The following IFNGR2 variants were observed in gnomAD, a reference collection of about 807,000 sequenced individuals.
IFNGR2 encodes the protein interferon gamma receptor 2.
IFNGR2 carries 15 observed loss-of-function variants against 41.1 expected under a neutral mutation model. The ratio of observed to expected loss-of-function variants is 0.37; its 90% CI spans 0.24 to 0.56. The LOEUF is 0.56. IFNGR2 is among the 20% of genes least tolerant of loss of function. IFNGR2 has a pLI of 0.81. For synonymous variants in IFNGR2, 161 were observed against 171.6 expected, an observed-to-expected ratio of 0.94 and a Z score of 0.48; for missense variants, 362 against 415.7, an observed-to-expected ratio of 0.87 and a Z score of 1.12.
chr21:33,435,591 T>G (rs1472998397), intron 6 of IFNGR2, among the ~76,000 whole-genome samples: 1 of 152,054 alleles, frequency 6.6e-6, no homozygotes, highest in Non-Finnish European at 1.5e-5. Context: ...TATTCAACTA[T>G]TAGAAGTTGT....
chr21:33,406,094 T>A (rs1434925591), intron 1 of IFNGR2, among the ~76,000 whole-genome samples: 3 of 151,280 alleles, frequency 2.0e-5, no homozygotes, highest in Non-Finnish European at 4.4e-5. Flanking sequence ...TAGTAGCAGC[T>A]GGGCACGGTG....
intron 2 of IFNGR2, among the ~76,000 whole-genome samples, chr21:33,420,130 C>T (rs2083781758): frequency 6.6e-6 from 1 of 152,122 alleles, no homozygotes; most frequent in Non-Finnish European, 1.5e-5. Context: ...CTTGAAGTGG[C>T]TTTCATCTTG....
intron 1 of IFNGR2, among the ~76,000 whole-genome samples, chr21:33,408,371 T>C (rs957479313): frequency 1.3e-5 from 2 of 152,056 alleles, no homozygotes; most frequent in African/African-American, 4.8e-5. Context: ...AATTTTTGTA[T>C]TTTTAGTAGA....
chr21:33,430,428 CTTTTA>C (rs2083875997), intron 4 of IFNGR2, among the ~76,000 whole-genome samples: 1 of 152,144 alleles, frequency 6.6e-6, no homozygotes, highest in Non-Finnish European at 1.5e-5. Context: ...CATACAATTA[CTTTTA>C]TATTTTTATT....
intron 6 of IFNGR2, among the ~76,000 whole-genome samples, chr21:33,434,716 C>A (rs1258765572): frequency 6.6e-6 from 1 of 152,050 alleles, no homozygotes; most frequent in South Asian, 2.1e-4. Context: ...CCTTCATCTG[C>A]CATGATGTAT....
intron 1 of IFNGR2, 38 bp from the exon 2 acceptor site, chr21:33,414,850 T>A: frequency 6.3e-7 from 1 of 1,586,172 alleles, no homozygotes; most frequent in Non-Finnish European, 8.6e-7. Context: ...CTCTCTCTCC[T>A]CCCTTCCTCC....
intron 1 of IFNGR2, chr21:33,410,943 C>A: frequency 8.4e-7 from 1 of 1,185,248 alleles, no homozygotes; most frequent in Non-Finnish European, 1.2e-6. Context: ...CATCTCACAA[C>A]CACTGCTCCT....
intron 4 of IFNGR2, among the ~76,000 whole-genome samples, chr21:33,431,296 G>A (rs565990589): frequency 7.4e-4 from 112 of 152,088 alleles, no homozygotes; most frequent in African/African-American, 2.4e-3. Flanking sequence ...TTGGCCAGGC[G>A]CGGTGGCTCA....
At chr21:33,421,425 CTA>C (rs1316099423) in intron 2 of IFNGR2, 53 bp from the exon 3 acceptor site, 1 of 1,378,736 alleles carries the variant, frequency 7.3e-7, no homozygotes, top group East Asian at 2.4e-5. Flanking sequence ...TCTGGGGAAA[CTA>C]TTACACATGA....
intron 3 of IFNGR2, among the ~76,000 whole-genome samples, chr21:33,421,993 A>G (rs1235068423): frequency 6.6e-6 from 1 of 152,216 alleles, no homozygotes; most frequent in Non-Finnish European, 1.5e-5. Flanking sequence ...TCACACTACA[A>G]TGGTAGAGTA....
At chr21:33,413,197 C>T (rs887315481) in intron 1 of IFNGR2, among the ~76,000 whole-genome samples, 4 of 152,212 alleles carry the variant, frequency 2.6e-5, no homozygotes, top group African/African-American at 9.6e-5. Flanking sequence ...CAGTCCCCAA[C>T]TGGCTTTGGG....
intron 6 of IFNGR2, 44 bp from the exon 7 acceptor site, chr21:33,436,784 G>C: frequency 1.3e-6 from 2 of 1,568,678 alleles, no homozygotes; most frequent in South Asian, 2.2e-5. Flanking sequence ...CTGGTATACT[G>C]AACTGGTAAA....
intron 2 of IFNGR2, among the ~76,000 whole-genome samples, chr21:33,418,084 G>A (rs1026728877): frequency 3.9e-5 from 6 of 152,000 alleles, no homozygotes; most frequent in Admixed American, 6.6e-5. Flanking sequence ...GTGCAGTGGC[G>A]TGATCTCAGC....
Position 33,411,896 on chromosome 21 carries a change from G to A in IFNGR2, c.74-2992G>A, listed in dbSNP as rs531845809. Among the ~76,000 whole-genome samples the A allele has an allele frequency of 9.2e-5, 14 of 152,284 alleles. No homozygotes were observed. The South Asian group carries it at 2.9e-3, about 32-fold the overall frequency. On this transcript the variant is annotated intron_variant, in intron 1 of 6. Transcript: ENST00000290219. ...GAACTATAAGAAAATAAATTTAGAT[G>A]TGATTTTTTAAAATTTATTTATTTT...
intron 3 of IFNGR2, among the ~76,000 whole-genome samples, chr21:33,423,424 G>A (rs906973634): frequency 4.7e-5 from 7 of 149,306 alleles, no homozygotes; most frequent in Non-Finnish European, 7.4e-5. Flanking sequence ...GTGGAGTCTT[G>A]CACTGTCGCC....
At chr21:33,425,178 C>T (rs1399649781) in intron 3 of IFNGR2, among the ~76,000 whole-genome samples, 1 of 152,138 alleles carries the variant, frequency 6.6e-6, no homozygotes, top group Admixed American at 6.5e-5. Flanking sequence ...CCTCAGCCTC[C>T]CAAAGTGCTG....
intron 4 of IFNGR2, among the ~76,000 whole-genome samples, chr21:33,428,499 G>A: frequency 6.6e-6 from 1 of 152,044 alleles, no homozygotes; most frequent in African/African-American, 2.4e-5. Context: ...AAGTGCTGAG[G>A]TTACAGGCAT....
At chr21:33,424,357 A>G (rs1360312000) in intron 3 of IFNGR2, among the ~76,000 whole-genome samples, 1 of 152,052 alleles carries the variant, frequency 6.6e-6, no homozygotes, top group African/African-American at 2.4e-5. Context: ...AGAGAAGGTA[A>G]CAGAAGCAGG....
chr21:33,434,119 T>A (rs755345300), intron 6 of IFNGR2, among the ~76,000 whole-genome samples: 6 of 152,178 alleles, frequency 3.9e-5, no homozygotes, highest in Non-Finnish European at 8.8e-5. Flanking sequence ...GAAAGTCTTA[T>A]TTTCCTGCAT....
Sources: allele counts gnomAD v4.1 joint callset (sites outside exome capture counted in the v4.1 genomes callset), GRCh38; gene constraint gnomAD v4.1.1; transcripts MANE v1.5; gene names NCBI Gene and HGNC (gene_info 2026-07-23, HGNC 2026-07-21).